KIF24: variants seen among roughly 807,000 people sequenced by gnomAD.
The protein encoded by KIF24 is kinesin-like protein KIF24.
A neutral mutation model predicts 118.9 loss-of-function variants in KIF24; 81 were observed. That is an observed-to-expected ratio of 0.68 (90% CI 0.57 to 0.82). KIF24 has a LOEUF of 0.82. Among genes scored for constraint, KIF24 ranks in the 40% least tolerant of loss-of-function variants. KIF24 has a pLI of 0.00. For synonymous variants in KIF24, 599 were observed against 610.0 expected, an observed-to-expected ratio of 0.98 and a Z score of 0.27; for missense variants, 1,560 against 1,661.6, an observed-to-expected ratio of 0.94 and a Z score of 1.06.
Position 34,265,387 on chromosome 9 carries a change from C to T in KIF24, c.1444-2215G>A, listed in dbSNP as rs1435452197. On this transcript the variant is annotated intron_variant, in intron 8 of 12. Transcript: ENST00000402558. ...GTCTCCCTGTGATGCCCAGGCTGGT[C>T]CTGAACTCCTGGGCTCAAGTGATCC... 3.3e-5 allele frequency among the ~76,000 whole-genome samples: 5 copies of T among 152,192 alleles called. No individual in the cohort carries two copies. In the South Asian group the frequency reaches 8.3e-4, roughly 25 times the overall value.
At chr9:34,316,985 C>T (rs1036353202) in intron 1 of KIF24, among the ~76,000 whole-genome samples, 3 of 151,834 alleles carry the variant, frequency 2.0e-5, no homozygotes, top group African/African-American at 4.8e-5. Flanking sequence ...GAGGCTGAGG[C>T]GGGTGGATCA....
At chr9:34,265,520 C>T (rs994922047) in intron 8 of KIF24, among the ~76,000 whole-genome samples, 1 of 152,114 alleles carries the variant, frequency 6.6e-6, no homozygotes, top group Non-Finnish European at 1.5e-5. Flanking sequence ...ATAAATAAGG[C>T]AATTCGTAAA....
At chr9:34,317,097 A>G (rs1837352867) in intron 1 of KIF24, among the ~76,000 whole-genome samples, 1 of 152,118 alleles carries the variant, frequency 6.6e-6, no homozygotes, top group Admixed American at 6.6e-5. Context: ...AGACACCCAT[A>G]ATCCCAGCTA....
chr9:34,322,135 A>T (rs1837545026), intron 1 of KIF24, among the ~76,000 whole-genome samples: 1 of 152,182 alleles, frequency 6.6e-6, no homozygotes, highest in African/African-American at 2.4e-5. Context: ...CCTGAAAATT[A>T]AAAGATGTAG....
chr9:34,270,572 T>G (rs1835467303), intron 7 of KIF24, among the ~76,000 whole-genome samples: 1 of 146,588 alleles, frequency 6.8e-6, no homozygotes, highest in African/African-American at 2.5e-5. Flanking sequence ...GTAGGCTGAG[T>G]AGCTGGGACT....
At chr9:34,320,652 C>T (rs1274160363) in intron 1 of KIF24, among the ~76,000 whole-genome samples, 1 of 80,068 alleles carries the variant, frequency 1.2e-5, no homozygotes, top group Non-Finnish European at 2.5e-5. Context: ...GAATCAAACT[C>T]CTTCTCAAAA....
upstream of KIF24, among the ~76,000 whole-genome samples, chr9:34,330,269 G>A (rs1383878396): frequency 6.6e-6 from 1 of 152,206 alleles, no homozygotes; most frequent in Non-Finnish European, 1.5e-5. Flanking sequence ...GCCAGGCGTC[G>A]TGGCGGGCAC....
At position 34,290,394 on chromosome 9, in the gene KIF24, G is replaced by T. The variant is rs763238734; in HGVS notation, c.912-5C>A. 7.6e-6 allele frequency: 12 copies of T among 1,589,292 alleles called. No homozygotes were observed. Among genetic ancestry groups the T allele is most frequent in the Non-Finnish European group, 1.0e-5 (12 of 1,159,914 alleles). On this transcript the variant is annotated splice_region_variant and splice_polypyrimidine_tract_variant and intron_variant, in intron 4 of 12. Transcript: ENST00000402558. Reference sequence around the variant, plus strand: ...GCAAAGCAAGTGGCATTGCCTCTGGGGAAAGGATAATTTGCATTACTTATG... The same window carrying T: ...GCAAAGCAAGTGGCATTGCCTCTGGTGAAAGGATAATTTGCATTACTTATG...
At chr9:34,271,317 C>A (rs1835494906) in intron 7 of KIF24, among the ~76,000 whole-genome samples, 2 of 120,966 alleles carry the variant, frequency 1.7e-5, no homozygotes, top group South Asian at 2.8e-4. Flanking sequence ...TTGCGGACAG[C>A]AATCCAGCAA....
chr9:34,321,667 T>C (rs919822778), intron 1 of KIF24, among the ~76,000 whole-genome samples: 24 of 143,608 alleles, frequency 1.7e-4, no homozygotes, highest in South Asian at 7.2e-4. Flanking sequence ...AGTACAGTGG[T>C]GCAATCACGG....
rs1837114200 is a variant in KIF24 at position 34,310,934 on chromosome 9, T to C, written c.413A>G (p.Glu138Gly). The change falls in exon 2 of 13, where the codon GAA (glutamate) becomes GGA (glycine). Residue 138 changes from glutamate to glycine, a missense_variant. Transcript: ENST00000402558. Reference protein sequence around the residue: ...EQKSTYLKVLEHMLPDDSQYH... With the variant: ...EQKSTYLKVLGHMLPDDSQYH... ...CTGGGAATCATCTGGTAGCATGTGTTCTAGCACTTTTAGGTAAGTGGACTT... is the reference window on the plus strand; with the variant it reads ...CTGGGAATCATCTGGTAGCATGTGTCCTAGCACTTTTAGGTAAGTGGACTT... 1.2e-6 allele frequency: 2 copies of C among 1,613,826 alleles called. No individual in the cohort carries two copies. The highest frequency in any genetic ancestry group is 1.7e-6 in the Non-Finnish European group (2 of 1,179,690).
chr9:34,302,825 G>T (rs1390111101), intron 3 of KIF24, among the ~76,000 whole-genome samples: 2 of 148,138 alleles, frequency 1.4e-5, no homozygotes, highest in East Asian at 4.0e-4. Context: ...TCCCAGTCTG[G>T]AGTGCAGTGG....
intron 3 of KIF24, among the ~76,000 whole-genome samples, chr9:34,299,809 TGTGTGTGTGTGTGC>T (rs1179593398): frequency 3.6e-5 from 3 of 82,348 alleles, no homozygotes; most frequent in East Asian, 1.0e-3. Context: ...CCAAGATGTG[TGTGTGTGTGTGTGC>T]GTGTGTGTGT....
At chr9:34,319,531 G>A (rs1160637849) in intron 1 of KIF24, 2 of 1,196,556 alleles carry the variant, frequency 1.7e-6, no homozygotes, top group Admixed American at 1.8e-5. Context: ...GAGCTGCGCA[G>A]CCCCAAGCTG....
intron 9 of KIF24, among the ~76,000 whole-genome samples, chr9:34,261,940 C>A (rs937068324): frequency 6.6e-6 from 1 of 152,030 alleles, no homozygotes; most frequent in African/African-American, 2.4e-5. Flanking sequence ...TCAACATTTT[C>A]TTTTCTTTTT....
At chr9:34,269,117 C>G (rs1282867300) in intron 8 of KIF24, 140 bp downstream of exon 8, 2 of 494,002 alleles carry the variant, frequency 4.0e-6, no homozygotes, top group Non-Finnish European at 7.2e-6. Flanking sequence ...AGCCCTCTAT[C>G]TCCAACCCTG....
In KIF24 at chr9:34,306,286, T is replaced by C. The variant is rs1486421786; in HGVS notation, c.779A>G (p.Lys260Arg). 15 of 1,608,974 alleles carry C rather than the reference T, an allele frequency of 9.3e-6. No homozygotes were observed. The highest frequency in any genetic ancestry group is 1.3e-5 in the Non-Finnish European group (15 of 1,177,248). The part of the protein sequence containing the change: ...DKETLLVHEK[K>R]EAVDLTQYIL... Reference sequence around the variant, plus strand: ...ATATTGAGTGAGGTCAACTGCTTCTTTCTTCTCATGCACAAGTAGAGTTTC... The same window carrying C: ...ATATTGAGTGAGGTCAACTGCTTCTCTCTTCTCATGCACAAGTAGAGTTTC... The change falls in exon 3 of 13, where the codon AAA (lysine) becomes AGA (arginine). Residue 260 changes from lysine to arginine, a missense_variant. Coordinates refer to ENST00000402558, the MANE Select transcript of KIF24 (RefSeq NM_194313.4).
At chr9:34,324,315 C>T (rs750749485) in intron 1 of KIF24, among the ~76,000 whole-genome samples, 1 of 152,194 alleles carries the variant, frequency 6.6e-6, no homozygotes, top group Non-Finnish European at 1.5e-5. Context: ...CCACTTCTCT[C>T]TTCTTTGGAA....
At position 34,257,750 on chromosome 9, in the gene KIF24, A is replaced by G. The variant is rs774328329; in HGVS notation, c.1857T>C (p.Pro619=). ...HPLTSHPPNI[P]FTSAPKVSGK... Reference sequence around the variant, plus strand: ...CAGAGACCTTAGGTGCAGAAGTAAAAGGAATGTTGGGTGGGTGGCTGGTCA... The same window carrying G: ...CAGAGACCTTAGGTGCAGAAGTAAAGGGAATGTTGGGTGGGTGGCTGGTCA... Residue 619 remains proline, a synonymous_variant, in exon 11 of 13, where the codon CCT becomes CCC. Transcript: ENST00000402558. The G allele has an allele frequency of 6.2e-7, 1 of 1,613,892 alleles. No homozygotes were observed. The highest frequency in any genetic ancestry group is 8.5e-7 in the Non-Finnish European group (1 of 1,179,896).
Sources: gnomAD v4.1 joint callset for allele counts (sites outside exome capture counted in the v4.1 genomes callset) on GRCh38, gnomAD v4.1.1 for gene constraint, MANE v1.5 for transcripts, NCBI Gene and HGNC (gene_info 2026-07-23, HGNC 2026-07-21) for gene names.